The following PPM1M variants were observed in gnomAD, a reference collection of about 807,000 sequenced individuals.
The protein encoded by PPM1M is protein phosphatase 1M.
In PPM1M, 44 loss-of-function variants were observed where a neutral mutation model predicts 50.8. The observed-to-expected ratio is 0.87, with a 90% CI of 0.68 to 1.11. The LOEUF is 1.11. PPM1M is among the 50% of genes most tolerant of loss of function. PPM1M has a pLI of 0.00. For missense variants in PPM1M, 556 were observed against 593.4 expected, an observed-to-expected ratio of 0.94 and a Z score of 0.66; for synonymous variants, 224 against 242.9, an observed-to-expected ratio of 0.92 and a Z score of 0.72.
At position 52,247,029 on chromosome 3, in the gene PPM1M, C is replaced by T; in HGVS notation, c.398C>T (p.Ala133Val). 1 of 1,551,510 alleles carries T rather than the reference C, an allele frequency of 6.4e-7. No homozygotes were observed. The highest frequency in any genetic ancestry group is 8.7e-7 in the Non-Finnish European group (1 of 1,147,206). ...LFDGHGGPAAAILAANTLHSC... is the reference protein window; with the variant it reads ...LFDGHGGPAAVILAANTLHSC... ...GATGGGCACGGCGGTCCTGCAGCAG[C>T]CATCTTGGCTGCCAACACCCTGCAC... The change falls in exon 3 of 10, where the codon GCC becomes GTC. Residue 133 changes from alanine to valine, a missense_variant. Transcript: ENST00000323588.
chr3:52,248,177 G>A lies in PPM1M; in HGVS notation c.735G>A (p.Glu245=), dbSNP rs1379516202. ...GGGCCATCTTGGTGCGGAGAGATGA[G>A]ATACGGCCACTGAGCTTCGAGTTCA... ...DSRAILVRRD[E]IRPLSFEFTP... Residue 245 remains glutamate (E), a synonymous_variant, in exon 5 of 10, where the codon GAG becomes GAA. Coordinates refer to ENST00000323588, the MANE Select transcript of PPM1M (RefSeq NM_144641.4). The A allele has an allele frequency of 6.2e-7, 1 of 1,613,116 alleles. No homozygotes were observed.
Position 52,249,947 on chromosome 3 carries a change from C to A in PPM1M, c.*133C>A. Reference sequence around the variant, plus strand: ...CCAGTGCTCTCACTATCCACCTCAACACACATCCATCTCAAGAGGAACATT... The same window carrying A: ...CCAGTGCTCTCACTATCCACCTCAAAACACATCCATCTCAAGAGGAACATT... On this transcript the variant is annotated 3_prime_UTR_variant, in exon 10 of 10. Transcript: ENST00000323588. 1 of 753,796 alleles carries A rather than the reference C, an allele frequency of 1.3e-6. No individual in the cohort carries two copies. The highest frequency in any genetic ancestry group is 2.2e-6 in the Non-Finnish European group (1 of 460,676). The allele number at this position is 753,796 out of a possible 1,614,324, so 46.7% of individuals were successfully genotyped here.
intron 8 of PPM1M, 37 bp from the exon 9 acceptor site, chr3:52,249,137 G>A (rs755378702): frequency 3.7e-6 from 6 of 1,612,450 alleles, no homozygotes; most frequent in Non-Finnish European, 5.1e-6. Flanking sequence ...TGGGAGTCGG[G>A]AAGGGAGTGT....
At chr3:52,249,540 CTTGCTTGGTCCACAGTCGGACTGCA>C in intron 9 of PPM1M, 105 bp from the exon 10 acceptor site, 1 of 1,408,292 alleles carries the variant, frequency 7.1e-7, no homozygotes, top group African/African-American at 1.4e-5. Context: ...AGACTTGCTG[CTTGCTTGGTCCACAGTCGGACTGCA>C]TTGCTTGGGT....
At chr3:52,246,226 C>G in intron 1 of PPM1M, 178 bp downstream of exon 1, 1 of 1,010,232 alleles carries the variant, frequency 9.9e-7, no homozygotes, top group Non-Finnish European at 1.2e-6. Context: ...CAGCGTTTTC[C>G]TTGGGATTCC....
At chr3:52,247,313 C>A in intron 3 of PPM1M, 85 bp downstream of exon 3, 2 of 1,493,986 alleles carry the variant, frequency 1.3e-6, no homozygotes, top group Non-Finnish European at 9.0e-7. Flanking sequence ...TACCCATGGT[C>A]ATCACACCAG....
Position 52,247,206 on chromosome 3 carries a change from T to G in PPM1M, c.575T>G (p.Leu192Trp), listed in dbSNP as rs1699874960. The change falls in exon 3 of 10, where the codon TTG becomes TGG. Residue 192 changes from leucine to tryptophan, a missense_variant. By Grantham distance (61) the Leu-to-Trp change is moderately conservative. Coordinates refer to ENST00000323588, the MANE Select transcript of PPM1M (RefSeq NM_144641.4). ...IRAEDLVIGA[L>W]ESAFQECDEV... ...GCAGAAGACTTGGTGATCGGGGCAT[T>G]GGAGAGTGCCTTTCAGGAATGTGTG... 8.7e-6 allele frequency: 14 copies of G among 1,613,000 alleles called. No homozygotes were observed. Among genetic ancestry groups the G allele is most frequent in the African/African-American group, 1.3e-5 (1 of 74,904 alleles).
At position 52,249,779 on chromosome 3, in the gene PPM1M, T is replaced by C. The variant is rs1699932162; in HGVS notation, c.1345T>C (p.Leu449=). 5 of 1,613,816 alleles carry C rather than the reference T, an allele frequency of 3.1e-6. No individual in the cohort carries two copies. The East Asian group carries it at 1.1e-4, about 36-fold the overall frequency. ...TGACGTCTCTGTGTTCGTGATTCCCTTGCACAGTCAGGGCCAAGAGAGCAG... is the reference window on the plus strand; with the variant it reads ...TGACGTCTCTGTGTTCGTGATTCCCCTGCACAGTCAGGGCCAAGAGAGCAG... ...YDDVSVFVIP[L]HSQGQESSDH The change falls in exon 10 of 10, where the codon TTG becomes CTG. Residue 449 remains leucine, a synonymous_variant. Transcript: ENST00000323588.
At position 52,249,045 on chromosome 3, in the gene PPM1M, C is replaced by T. The variant is rs768418520; in HGVS notation, c.1068C>T (p.Phe356=). ...VLDTNIQLKP[F]LLSVPQVTVL... ...ACACAAACATCCAGCTCAAGCCCTT[C>T]TTGCTCTCTGTGCCACAGGTAAGGG... The change falls in exon 8 of 10, where the codon TTC becomes TTT. Residue 356 remains phenylalanine, a synonymous_variant. Coordinates refer to ENST00000323588, the MANE Select transcript of PPM1M (RefSeq NM_144641.4). 1 of 1,610,772 alleles carries T rather than the reference C, an allele frequency of 6.2e-7. No homozygotes were observed. The highest frequency in any genetic ancestry group is 2.2e-5 in the East Asian group (1 of 44,756).
At chr3:52,249,369 A>G in intron 9 of PPM1M, 47 bp downstream of exon 9, 2 of 1,558,214 alleles carry the variant, frequency 1.3e-6, no homozygotes, top group Non-Finnish European at 1.7e-6. Context: ...TGGTGCCAGC[A>G]GCAAGCCCAA....
At chr3:52,248,574 T>C (rs1303282813) in intron 6 of PPM1M, 63 bp from the exon 7 acceptor site, 1 of 1,602,056 alleles carries the variant, frequency 6.2e-7, no homozygotes, top group Non-Finnish European at 8.6e-7. Context: ...AGCTGGGCCC[T>C]GAGTTGGGGA....
At chr3:52,247,506 G>C in intron 3 of PPM1M, 176 bp from the exon 4 acceptor site, 1 of 657,478 alleles carries the variant, frequency 1.5e-6, no homozygotes, top group Non-Finnish European at 2.6e-6. Context: ...ATTTTGAGTA[G>C]CACTTCCCTT....
chr3:52,250,130 T>A lies in PPM1M; in HGVS notation c.*316T>A, dbSNP rs899403791. The A allele has an allele frequency of 3.6e-6, 1 of 279,024 alleles. No homozygotes were observed. The highest frequency in any genetic ancestry group is 2.1e-5 in the African/African-American group (1 of 47,860). 17.3% of individuals were successfully genotyped at this position (279,024 alleles called of 1,614,324 possible). On this transcript the variant is annotated 3_prime_UTR_variant, in exon 10 of 10. Transcript: ENST00000323588. Reference sequence around the variant, plus strand: ...GGATCTTGAACAGCCCAAAGTATCATTCTCAGATAGGGGCACCCAAGCTAA... The same window carrying A: ...GGATCTTGAACAGCCCAAAGTATCAATCTCAGATAGGGGCACCCAAGCTAA...
rs1162780129 is a variant in PPM1M at position 52,249,315 on chromosome 3, C to T, written c.1228C>T (p.Pro410Ser). Residue 410 changes from proline to serine, a missense_variant, in exon 9 of 10, where the codon CCA (proline) becomes TCA (serine). Pro to Ser is a moderately conservative substitution (Grantham distance 74). Transcript: ENST00000323588. ...CTTCCTCCCTGGGAACCAAGAGGACCCACACAGGTACTGTAGCTGCTGGGG... is the reference window on the plus strand; with the variant it reads ...CTTCCTCCCTGGGAACCAAGAGGACTCACACAGGTACTGTAGCTGCTGGGG... ...RSFLPGNQEDPHRFSKLAQML... is the reference protein window; with the variant it reads ...RSFLPGNQEDSHRFSKLAQML... 6.2e-7 allele frequency: 1 copy of T among 1,600,336 alleles called. No homozygotes were observed. Among genetic ancestry groups the T allele is most frequent in the Non-Finnish European group, 8.5e-7 (1 of 1,173,368 alleles).
intron 9 of PPM1M, 162 bp from the exon 10 acceptor site, chr3:52,249,508 T>G: frequency 7.9e-7 from 1 of 1,264,412 alleles, no homozygotes; most frequent in South Asian, 1.4e-5. Context: ...TAGACTCTCA[T>G]GGTCCAGCCC....
In PPM1M at chr3:52,247,805, C is replaced by CTCCAAGGGGTGACT; in HGVS notation, c.710+11_710+12insTCCAAGGGGTGACT. 6.7e-7 allele frequency: 1 copy of CTCCAAGGGGTGACT among 1,484,344 alleles called. No homozygotes were observed. Among genetic ancestry groups the CTCCAAGGGGTGACT allele is most frequent in the Non-Finnish European group, 9.3e-7 (1 of 1,072,700 alleles). The allele number at this position is 1,484,344 out of a possible 1,614,324, so 91.9% of individuals were successfully genotyped here. ...TGCTGGGGATAGCAGGTGAGTCACCCCTTGGAGGGTGGGCAAGGGTGGGAT... is the reference window on the plus strand; with the variant it reads ...TGCTGGGGATAGCAGGTGAGTCACCCTCCAAGGGGTGACTCTTGGAGGGTGGGCAAGGGTGGGAT... On this transcript the variant is annotated intron_variant, in intron 4 of 9. Transcript: ENST00000323588.
At chr3:52,249,421 C>T (rs1264789473) in intron 9 of PPM1M, 99 bp downstream of exon 9, 3 of 1,465,314 alleles carry the variant, frequency 2.0e-6, no homozygotes, top group Non-Finnish European at 2.8e-6. Flanking sequence ...AATGAGCTGG[C>T]AGCTGGCCAG....
At chr3:52,246,610 C>A in intron 1 of PPM1M, 85 bp from the exon 2 acceptor site, 1 of 854,768 alleles carries the variant, frequency 1.2e-6, no homozygotes, top group Non-Finnish European at 1.7e-6. Context: ...AGGGAGGGGT[C>A]TTCTCCCTGT....
chr3:52,249,752 G>A lies in PPM1M; in HGVS notation c.1318G>A (p.Asp440Asn), dbSNP rs762071030. 66 of 1,613,832 alleles carry A rather than the reference G, an allele frequency of 4.1e-5. No homozygotes were observed. Among genetic ancestry groups the A allele is most frequent in the African/African-American group, 8.0e-5 (6 of 74,926 alleles). The change falls in exon 10 of 10, where the codon GAT (aspartate) becomes AAT (asparagine). Residue 440 changes from aspartate (D) to asparagine (N), a missense_variant. Transcript: ENST00000323588. ...SLTEEGQVSY[D>N]DVSVFVIPLH... is the part of the protein sequence containing the mutation. ...CACAGAGGAAGGGCAGGTGTCCTACGATGACGTCTCTGTGTTCGTGATTCC... is the reference window on the plus strand; with the variant it reads ...CACAGAGGAAGGGCAGGTGTCCTACAATGACGTCTCTGTGTTCGTGATTCC...
Sources: allele counts gnomAD v4.1 joint callset, GRCh38; gene constraint gnomAD v4.1.1; transcripts MANE v1.5; gene names NCBI Gene and HGNC (gene_info 2026-07-23, HGNC 2026-07-21).